GPN2: variants seen among roughly 807,000 people sequenced by gnomAD.
GPN2 encodes the protein ATP-binding domain 1 family member B.
In GPN2, 27 loss-of-function variants were observed where a neutral mutation model predicts 30.1. That is an observed-to-expected ratio of 0.90 (90% CI 0.66 to 1.24). The LOEUF (loss-of-function observed/expected upper bound fraction) is 1.24, where lower values mean the gene tolerates loss of function less well. Among genes scored for constraint, GPN2 ranks in the 50% most tolerant of loss-of-function variants. The probability of loss-of-function intolerance (pLI) is 0.00; values close to 1 mark genes in which losing one functional copy is unlikely to be tolerated. For synonymous variants in GPN2, 212 were observed against 174.4 expected, an observed-to-expected ratio of 1.22 and a Z score of -1.70; for missense variants, 406 against 405.4, an observed-to-expected ratio of 1.00 and a Z score of -0.01.
At chr1:26,885,849 G>T (rs560307632) in intron 3 of GPN2, 124 bp downstream of exon 3, 9 of 735,148 alleles carry the variant, frequency 1.2e-5, no homozygotes, top group Admixed American at 2.2e-5. Flanking sequence ...AAAGTGCTAG[G>T]ATTAGAGGCT....
At chr1:26,889,502 G>C (rs1310171039) in intron 1 of GPN2, among the ~76,000 whole-genome samples, 184 bp downstream of exon 1, 3 of 152,210 alleles carry the variant, frequency 2.0e-5, no homozygotes, top group African/African-American at 7.2e-5. Context: ...GAGGTTCAGA[G>C]TGATGAACTG....
chr1:26,882,824 A>G (rs1309686190), intron 4 of GPN2, among the ~76,000 whole-genome samples: 1 of 152,212 alleles, frequency 6.6e-6, no homozygotes, highest in African/African-American at 2.4e-5. Context: ...CCCTGAACAC[A>G]GCACATCTGC....
chr1:26,884,218 G>A lies in GPN2; in HGVS notation c.802C>T (p.Gln268Ter). Residue 268 changes from glutamine to a stop codon, truncating the protein, a stop_gained, in exon 4 of 5, where the codon CAG becomes TAG. Coordinates refer to ENST00000374135, the MANE Select transcript of GPN2 (RefSeq NM_018066.4). LOFTEE classifies it high-confidence loss of function. ...ANGYCFRAQE[Q>*]RSLEAMMSAA... is the part of the protein sequence containing the mutation. ...GACATCATGGCTTCCAAGCTTCGCT[G>A]CTCTTGGGCTCTGAAACAGTATCCA... 6.2e-7 allele frequency: 1 copy of A among 1,613,894 alleles called. No homozygotes were observed. Among genetic ancestry groups the A allele is most frequent in the Non-Finnish European group, 8.5e-7 (1 of 1,179,886 alleles).
intron 4 of GPN2, among the ~76,000 whole-genome samples, chr1:26,880,243 G>A (rs1349952943): frequency 6.6e-6 from 1 of 152,198 alleles, no homozygotes; most frequent in East Asian, 1.9e-4. Flanking sequence ...TATAAAAGGG[G>A]TTGAAATGAG....
At position 26,878,253 on chromosome 1, in the gene GPN2, CATATT is replaced by C. The variant is rs1198319425; in HGVS notation, c.*1419_*1423del. 3 of 152,002 alleles carry C rather than the reference CATATT, an allele frequency of 2.0e-5. No homozygotes were observed. Among genetic ancestry groups the C allele is most frequent in the Admixed American group, 1.3e-4 (2 of 15,238 alleles). 9.4% of individuals were successfully genotyped at this position (152,002 alleles called of 1,614,324 possible). On this transcript the variant is annotated 3_prime_UTR_variant, in exon 5 of 5. Coordinates refer to ENST00000374135, the MANE Select transcript of GPN2 (RefSeq NM_018066.4). ...TTTGCCACACTCTCATAGGAACTGC[CATATT>C]ATATAATTAATATTTTTCTTTACAC...
rs1017691001 is a variant in GPN2, at chr1:26,877,064, T to C, written c.*2613A>G. 3 of 152,198 alleles carry C rather than the reference T, an allele frequency of 2.0e-5. No homozygotes were observed. The highest frequency in any genetic ancestry group is 6.5e-5 in the Admixed American group (1 of 15,268). The allele number at this position is 152,198 out of a possible 1,614,324, so 9.4% of individuals were successfully genotyped here. On this transcript the variant is annotated 3_prime_UTR_variant, in exon 5 of 5. Coordinates refer to ENST00000374135, the MANE Select transcript of GPN2 (RefSeq NM_018066.4). ...TTGTCCAGTAGCCTGGGCGTCAGGA[T>C]TCCTGGGCTCTAGGCCCCACAGGTG...
chr1:26,885,901 C>T lies in GPN2; in HGVS notation c.729+72G>A, dbSNP rs2081888222. The T allele has an allele frequency of 2.4e-6, 3 of 1,261,816 alleles. No homozygotes were observed. In the East Asian group the frequency reaches 7.0e-5, roughly 29 times the overall value. The allele number at this position is 1,261,816 out of a possible 1,614,324, so 78.2% of individuals were successfully genotyped here. A position where few individuals can be genotyped will look rare whatever the true frequency, so the allele number is the denominator to read the frequency against. ...GCCGGCAAAGACCATTCTTTAAGCCCTCAAAGCTTCCTGTGCTTTTGGCTT... is the reference window on the plus strand; with the variant it reads ...GCCGGCAAAGACCATTCTTTAAGCCTTCAAAGCTTCCTGTGCTTTTGGCTT... On this transcript the variant is annotated intron_variant, in intron 3 of 4. Transcript: ENST00000374135.
At chr1:26,885,827 C>G (rs971401896) in intron 3 of GPN2, 146 bp downstream of exon 3, 7 of 637,414 alleles carry the variant, frequency 1.1e-5, no homozygotes, top group Admixed American at 7.8e-5. Context: ...GATCTGCCCA[C>G]CTCGGCCTCC....
chr1:26,878,964 C>T lies in GPN2; in HGVS notation c.*713G>A, dbSNP rs1350916194. On this transcript the variant is annotated 3_prime_UTR_variant, in exon 5 of 5. Transcript: ENST00000374135. ...AACACTTGTCAACAATAGAATAAAA[C>T]CATAAAACAAATACAGTGAATATAA... 2 of 152,204 alleles carry T rather than the reference C, an allele frequency of 1.3e-5. No homozygotes were observed. Among genetic ancestry groups the T allele is most frequent in the Non-Finnish European group, 2.9e-5 (2 of 68,048 alleles). 9.4% of individuals were successfully genotyped at this position (152,204 alleles called of 1,614,324 possible).
intron 3 of GPN2, among the ~76,000 whole-genome samples, chr1:26,885,566 G>C (rs1453387026): frequency 1.3e-5 from 2 of 150,476 alleles, no homozygotes; most frequent in Admixed American, 6.6e-5. Flanking sequence ...TCAACCCAGG[G>C]CAAAGACCAC....
chr1:26,882,178 T>C (rs976566440), intron 4 of GPN2, among the ~76,000 whole-genome samples: 8 of 149,834 alleles, frequency 5.3e-5, no homozygotes, highest in South Asian at 2.1e-4. Context: ...GATTGCACCA[T>C]TGCACTCCAA....
chr1:26,887,110 C>T (rs1202511492), intron 2 of GPN2, among the ~76,000 whole-genome samples: 1 of 151,890 alleles, frequency 6.6e-6, no homozygotes, highest in Non-Finnish European at 1.5e-5. Flanking sequence ...CAGGACCTGG[C>T]ACATACACTG....
Position 26,890,249 on chromosome 1 carries a change from G to T in GPN2, c.-153C>A. 3.0e-6 allele frequency: 2 copies of T among 661,016 alleles called. No homozygotes were observed. Among genetic ancestry groups the T allele is most frequent in the South Asian group, 2.2e-5 (1 of 44,772 alleles). 40.9% of individuals were successfully genotyped at this position (661,016 alleles called of 1,614,324 possible). A position where few individuals can be genotyped will look rare whatever the true frequency, so the allele number is the denominator to read the frequency against. ...GGCGGAACAGCTGAGACCGTGTCGC[G>T]CAAAAGGAGATAACAGGCCGATACT... On this transcript the variant is annotated 5_prime_UTR_variant, in exon 1 of 5. Transcript: ENST00000374135.
At position 26,887,440 on chromosome 1, in the gene GPN2, C is replaced by T. The variant is rs112826238; in HGVS notation, c.569-1307G>A. On this transcript the variant is annotated intron_variant, in intron 2 of 4. Coordinates refer to ENST00000374135, the MANE Select transcript of GPN2 (RefSeq NM_018066.4). Reference sequence around the variant, plus strand: ...CTGGCCTCCCTGGACAAGGTCCCGACACCTCCCTTTCCCAACAACCTCCCT... The same window carrying T: ...CTGGCCTCCCTGGACAAGGTCCCGATACCTCCCTTTCCCAACAACCTCCCT... Among the ~76,000 whole-genome samples the T allele has an allele frequency of 3.3e-5, 5 of 152,278 alleles. 1 individual carries two copies. The highest frequency in any genetic ancestry group is 1.2e-4 in the African/African-American group (5 of 41,564).
Position 26,878,621 on chromosome 1 carries a change from AG to A in GPN2, c.*1055del, listed in dbSNP as rs2081850270. The stretch of plus-strand genomic sequence containing the variant: ...GAAGTACACCTTTTTTTTGAGACAA[AG>A]TCTCGCTCTGTCACCAGGCTGGAGT... On this transcript the variant is annotated 3_prime_UTR_variant, in exon 5 of 5. Coordinates refer to ENST00000374135, the MANE Select transcript of GPN2 (RefSeq NM_018066.4). 6.7e-6 allele frequency: 1 copy of A among 150,368 alleles called. No homozygotes were observed. The highest frequency in any genetic ancestry group is 6.6e-5 in the Admixed American group (1 of 15,058). The allele number at this position is 150,368 out of a possible 1,614,324, so 9.3% of individuals were successfully genotyped here.
chr1:26,879,865 A>G (rs2081856022), intron 4 of GPN2, 116 bp from the exon 5 acceptor site: 2 of 715,120 alleles, frequency 2.8e-6, no homozygotes, highest in Non-Finnish European at 5.1e-6. Context: ...TCTCTTCCTC[A>G]TAATTATAGG....
chr1:26,889,726 A>C lies in GPN2; in HGVS notation c.371T>G (p.Leu124Trp). ...QVELCTHHGA[L>W]RSIFSQMAQW... ...CGCCATTTGGGAGAAGATGCTGCGC[A>C]AGGCGCCGTGATGCGTGCAGAGCTC... The change falls in exon 1 of 5, where the codon TTG becomes TGG. Residue 124 changes from leucine to tryptophan, a missense_variant. Transcript: ENST00000374135. 1 of 1,603,832 alleles carries C rather than the reference A, an allele frequency of 6.2e-7. No homozygotes were observed. Among genetic ancestry groups the C allele is most frequent in the Non-Finnish European group, 8.5e-7 (1 of 1,174,016 alleles).
At position 26,877,086 on chromosome 1, in the gene GPN2, G is replaced by A. The variant is rs1239064101; in HGVS notation, c.*2591C>T. On this transcript the variant is annotated 3_prime_UTR_variant, in exon 5 of 5. Transcript: ENST00000374135. Reference sequence around the variant, plus strand: ...GGATTCCTGGGCTCTAGGCCCCACAGGTGATTCACAGCTAGCCCCAGGCTG... The same window carrying A: ...GGATTCCTGGGCTCTAGGCCCCACAAGTGATTCACAGCTAGCCCCAGGCTG... 6.6e-6 allele frequency: 1 copy of A among 152,290 alleles called. No homozygotes were observed. The highest frequency in any genetic ancestry group is 2.4e-5 in the African/African-American group (1 of 41,456). The allele number at this position is 152,290 out of a possible 1,614,324, so 9.4% of individuals were successfully genotyped here. A position where few individuals can be genotyped will look rare whatever the true frequency, so the allele number is the denominator to read the frequency against.
intron 2 of GPN2, among the ~76,000 whole-genome samples, chr1:26,888,395 T>C (rs1354301396): frequency 6.6e-6 from 1 of 152,226 alleles, no homozygotes; most frequent in African/African-American, 2.4e-5. Context: ...TGTCTTGATC[T>C]TGGACTTACC....
Sources: allele counts gnomAD v4.1 joint callset (sites outside exome capture counted in the v4.1 genomes callset), GRCh38; gene constraint gnomAD v4.1.1; transcripts MANE v1.5; gene names NCBI Gene and HGNC (gene_info 2026-07-23, HGNC 2026-07-21).